CALCR: variants seen among roughly 807,000 people sequenced by gnomAD.
CALCR encodes calcitonin receptor.
In CALCR, 47 loss-of-function variants were observed where a neutral mutation model predicts 59.5. The ratio of observed to expected loss-of-function variants is 0.79; its 90% CI spans 0.63 to 1.01. The LOEUF (loss-of-function observed/expected upper bound fraction) is 1.01, where lower values mean the gene tolerates loss of function less well. CALCR is among the 50% of genes least tolerant of loss of function. CALCR has a pLI of 0.00. For synonymous variants in CALCR, 213 were observed against 211.3 expected (o/e 1.01, Z -0.07); for missense variants, 566 against 597.1 (o/e 0.95, Z 0.54).
intron 7 of CALCR, among the ~76,000 whole-genome samples, chr7:93,463,728 C>G (rs1419244458): frequency 6.6e-6 from 1 of 151,888 alleles, no homozygotes; most frequent in African/African-American, 2.4e-5. Context: ...TTGAAATTAA[C>G]ATTAAAAATC....
chr7:93,482,306 T>C (rs758866240), intron 3 of CALCR, among the ~76,000 whole-genome samples: 1 of 152,014 alleles, frequency 6.6e-6, no homozygotes, highest in African/African-American at 2.4e-5. Context: ...GTTCAACTTA[T>C]ACATTTATTT....
rs535818819 is a variant in CALCR, at chr7:93,431,119, A to C, written c.1191+3134T>G. Among the ~76,000 whole-genome samples the C allele has an allele frequency of 2.6e-5, 4 of 152,336 alleles. No homozygotes were observed. The East Asian group carries it at 7.7e-4, about 29-fold the overall frequency. On this transcript the variant is annotated intron_variant, in intron 13 of 13. Transcript: ENST00000426151. ...CAGGAAGGGGAAGTGGTGAGTGCAC[A>C]GCCCCAAGAGGCCTGAGAGGAAGAG...
intron 7 of CALCR, among the ~76,000 whole-genome samples, chr7:93,466,994 G>T (rs1317353789): frequency 2.0e-5 from 3 of 151,572 alleles, no homozygotes; most frequent in African/African-American, 7.3e-5. Flanking sequence ...TACCTTTAAA[G>T]TCCTGACTAC....
At chr7:93,510,685 T>A (rs1033111126) in intron 2 of CALCR, among the ~76,000 whole-genome samples, 1 of 151,820 alleles carries the variant, frequency 6.6e-6, no homozygotes, top group Non-Finnish European at 1.5e-5. Flanking sequence ...CTGGGCAACA[T>A]AAAGAGACAC....
chr7:93,470,396 A>G (rs1800526951), intron 6 of CALCR, among the ~76,000 whole-genome samples: 1 of 151,920 alleles, frequency 6.6e-6, no homozygotes, highest in South Asian at 2.1e-4. Context: ...ATAGTTTACT[A>G]TGTAGAACAC....
intron 2 of CALCR, among the ~76,000 whole-genome samples, chr7:93,501,752 A>G (rs1297215377): frequency 2.0e-5 from 3 of 152,156 alleles, no homozygotes; most frequent in Non-Finnish European, 1.5e-5. Flanking sequence ...TGCAAAGTCA[A>G]TGAGCTGAAT....
intron 2 of CALCR, among the ~76,000 whole-genome samples, chr7:93,561,378 A>T (rs1789743871): frequency 6.6e-6 from 1 of 152,040 alleles, no homozygotes; most frequent in Non-Finnish European, 1.5e-5. Context: ...AATCTTGGAC[A>T]CTCTTACAGA....
chr7:93,508,874 A>C (rs1801484199), intron 2 of CALCR, among the ~76,000 whole-genome samples: 1 of 152,154 alleles, frequency 6.6e-6, no homozygotes, highest in African/African-American at 2.4e-5. Flanking sequence ...ACATGCAGTA[A>C]TGTACCCCTG....
At chr7:93,506,415 C>T (rs1166914196) in intron 2 of CALCR, among the ~76,000 whole-genome samples, 1 of 152,126 alleles carries the variant, frequency 6.6e-6, no homozygotes, top group Non-Finnish European at 1.5e-5. Context: ...GGCCTCATAA[C>T]CAACTCACAG....
chr7:93,488,760 A>C (rs995329694), intron 2 of CALCR, among the ~76,000 whole-genome samples: 3 of 151,720 alleles, frequency 2.0e-5, no homozygotes, highest in African/African-American at 7.3e-5. Flanking sequence ...CCAGATTCAT[A>C]AAATAAGTTC....
At chr7:93,483,957 A>G (rs772677538) in intron 3 of CALCR, 1 of 515,632 alleles carries the variant, frequency 1.9e-6, no homozygotes, top group Non-Finnish European at 4.1e-6. Context: ...GCTGCCGTAT[A>G]TGTGATGTCA....
intron 2 of CALCR, among the ~76,000 whole-genome samples, chr7:93,526,233 A>G (rs947540774): frequency 1.3e-5 from 2 of 152,116 alleles, no homozygotes; most frequent in African/African-American, 4.8e-5. Flanking sequence ...CCTAAGTGAT[A>G]AAGTGATTTT....
chr7:93,491,984 A>G (rs1352212247), intron 2 of CALCR, among the ~76,000 whole-genome samples: 1 of 152,018 alleles, frequency 6.6e-6, no homozygotes, highest in East Asian at 1.9e-4. Context: ...TACAATAACA[A>G]TGTCATGGAA....
At chr7:93,537,599 T>G (rs1789024080) in intron 2 of CALCR, among the ~76,000 whole-genome samples, 1 of 151,882 alleles carries the variant, frequency 6.6e-6, no homozygotes, top group South Asian at 2.1e-4. Flanking sequence ...GCAATTGTAT[T>G]TCAAAAATTA....
chr7:93,483,412 G>C (rs1210471995), intron 3 of CALCR, among the ~76,000 whole-genome samples: 1 of 13,572 alleles, frequency 7.4e-5, no homozygotes, highest in East Asian at 9.7e-4. Context: ...TGACTGTATA[G>C]ATAGATAGAT....
chr7:93,427,830 C>T (rs1394046952), intron 13 of CALCR, among the ~76,000 whole-genome samples: 1 of 151,686 alleles, frequency 6.6e-6, no homozygotes, highest in African/African-American at 2.4e-5. Flanking sequence ...AGATTTTACT[C>T]AGAGAAAGAC....
At chr7:93,503,101 T>C (rs1171562126) in intron 2 of CALCR, among the ~76,000 whole-genome samples, 3 of 152,102 alleles carry the variant, frequency 2.0e-5, no homozygotes, top group African/African-American at 7.2e-5. Context: ...CTCAGTTTTT[T>C]AAAAGAAATG....
chr7:93,533,368 C>A (rs1788898586), intron 2 of CALCR, among the ~76,000 whole-genome samples: 1 of 151,888 alleles, frequency 6.6e-6, no homozygotes, highest in Non-Finnish European at 1.5e-5. Flanking sequence ...GGCTTGGCGC[C>A]AATCATCCAG....
In CALCR at chr7:93,443,625, A is replaced by G; in HGVS notation, c.781T>C (p.Trp261Arg). The change falls in exon 9 of 14, where the codon TGG (tryptophan) becomes CGG (arginine). Residue 261 changes from tryptophan (W) to arginine (R), a missense_variant. Physicochemically the swap from Trp to Arg is moderately radical, Grantham distance 101. Coordinates refer to ENST00000426151, the MANE Select transcript of CALCR (RefSeq NM_001742.4). ...ATACCCCAGCCCAAGAGATAATACC[A>G]CCGCAAGCGTTGCTTCTCAGTAAAC... ...AVFTEKQRLR[W>R]YYLLGWGFPL... The G allele has an allele frequency of 6.2e-7, 1 of 1,613,316 alleles. No individual in the cohort carries two copies. The highest frequency in any genetic ancestry group is 2.2e-5 in the East Asian group (1 of 44,846).
Sources: allele counts gnomAD v4.1 joint callset (sites outside exome capture counted in the v4.1 genomes callset), GRCh38; gene constraint gnomAD v4.1.1; transcripts MANE v1.5; gene names NCBI Gene and HGNC (gene_info 2026-07-23, HGNC 2026-07-21).